RYR2: variants seen among roughly 807,000 people sequenced by gnomAD.
RYR2 encodes the protein ryanodine receptor 2.
In RYR2, 227 loss-of-function variants were observed where a neutral mutation model predicts 601.1. The observed-to-expected ratio is 0.38, with a 90% CI of 0.34 to 0.42. The LOEUF is 0.42. Among genes scored for constraint, RYR2 ranks in the 10% least tolerant of loss-of-function variants. The pLI, the probability that RYR2 is intolerant of heterozygous loss-of-function variation, is 1.00. For synonymous variants in RYR2, 2,223 were observed against 2,175.1 expected, an observed-to-expected ratio of 1.02 and a Z score of -0.61; for missense variants, 4,646 against 6,156.5, an observed-to-expected ratio of 0.75 and a Z score of 8.21.
chr1:237,611,012 A>C, intron 36 of RYR2, 24 bp downstream of exon 36: 1 of 1,594,264 alleles, frequency 6.3e-7, no homozygotes, highest in Non-Finnish European at 8.6e-7. Flanking sequence ...AATCCCTGAC[A>C]TTCTGATTGG....
At chr1:237,615,348 C>T (rs2148601964) in intron 37 of RYR2, among the ~76,000 whole-genome samples, 1 of 152,206 alleles carries the variant, frequency 6.6e-6, no homozygotes, top group Admixed American at 6.5e-5. Context: ...TGCCACCATG[C>T]CCAGTTAATT....
chr1:237,687,708 C>G (rs1686557064), intron 63 of RYR2, among the ~76,000 whole-genome samples: 1 of 152,070 alleles, frequency 6.6e-6, no homozygotes, highest in African/African-American at 2.4e-5. Flanking sequence ...CTTTTTTACA[C>G]TAGTCCAAAG....
chr1:237,454,154 A>G (rs1021318177), intron 14 of RYR2, among the ~76,000 whole-genome samples: 3 of 152,140 alleles, frequency 2.0e-5, no homozygotes, highest in African/African-American at 7.2e-5. Context: ...CCTGTAGCCT[A>G]TGAGGTTATT....
chr1:237,355,869 G>T, intron 3 of RYR2, 96 bp from the exon 4 acceptor site: 1 of 1,109,356 alleles, frequency 9.0e-7, no homozygotes, highest in South Asian at 1.4e-5. Flanking sequence ...TGTGGTGCAA[G>T]GACCAAATTG....
chr1:237,609,991 TCTACAG>T (rs1677654300), intron 35 of RYR2, among the ~76,000 whole-genome samples: 1 of 152,048 alleles, frequency 6.6e-6, no homozygotes. Flanking sequence ...GATGAAGTAG[TCTACAG>T]CATGCAGTTG....
At chr1:237,096,709 G>T (rs1052543819) in intron 1 of RYR2, among the ~76,000 whole-genome samples, 2 of 152,134 alleles carry the variant, frequency 1.3e-5, no homozygotes, top group African/African-American at 4.8e-5. Flanking sequence ...ATAAAATAAA[G>T]GCTGCTCAGA....
chr1:237,231,153 C>CTGTT (rs1684957438), intron 1 of RYR2, among the ~76,000 whole-genome samples: 2 of 152,056 alleles, frequency 1.3e-5, no homozygotes, highest in African/African-American at 4.8e-5. Context: ...TTTCGTGTGT[C>CTGTT]TGTTTTTCCC....
intron 1 of RYR2, among the ~76,000 whole-genome samples, chr1:237,190,410 A>T (rs374326888): frequency 1.9e-4 from 29 of 152,134 alleles, no homozygotes; most frequent in African/African-American, 6.7e-4. Context: ...TATTCTTTGG[A>T]GTATTGTCTA....
At chr1:237,127,803 C>T (rs1338029973) in intron 1 of RYR2, among the ~76,000 whole-genome samples, 26 of 149,164 alleles carry the variant, frequency 1.7e-4, no homozygotes, top group African/African-American at 5.2e-4. Context: ...CGGGCAGAGA[C>T]GCTCCTCACT....
intron 8 of RYR2, among the ~76,000 whole-genome samples, chr1:237,385,279 T>A (rs1312028146): frequency 6.6e-6 from 1 of 152,222 alleles, no homozygotes; most frequent in East Asian, 1.9e-4. Flanking sequence ...ATTTTACATA[T>A]GCATATACAT....
chr1:237,635,240 A>G (rs1342131561), intron 44 of RYR2, among the ~76,000 whole-genome samples: 1 of 152,180 alleles, frequency 6.6e-6, no homozygotes, highest in Admixed American at 6.5e-5. Flanking sequence ...TCTACTATAC[A>G]TTATATTGTA....
intron 29 of RYR2, among the ~76,000 whole-genome samples, chr1:237,577,551 T>TGTGTGAGAGAGA (rs1559055386): frequency 7.7e-6 from 1 of 129,528 alleles, no homozygotes; most frequent in East Asian, 2.2e-4. Context: ...TGTGTGTGTT[T>TGTGTGAGAGAGA]GAGAGAGAGA....
intron 1 of RYR2, among the ~76,000 whole-genome samples, chr1:237,210,067 T>C (rs1315338435): frequency 6.6e-6 from 1 of 152,214 alleles, no homozygotes; most frequent in African/African-American, 2.4e-5. Flanking sequence ...TTGCTGTTGA[T>C]ATTTCACATA....
At chr1:237,095,893 T>C (rs950726300) in intron 1 of RYR2, among the ~76,000 whole-genome samples, 1 of 152,332 alleles carries the variant, frequency 6.6e-6, no homozygotes, top group South Asian at 2.1e-4. Context: ...GTGGTTGACC[T>C]TGAAGTCTGG....
chr1:237,432,736 T>C (rs1706953954), intron 12 of RYR2, among the ~76,000 whole-genome samples: 1 of 152,164 alleles, frequency 6.6e-6, no homozygotes, highest in African/African-American at 2.4e-5. Context: ...ATTTCGTTGG[T>C]TAAAAGTAGA....
intron 80 of RYR2, among the ~76,000 whole-genome samples, chr1:237,751,162 A>T (rs913857164): frequency 2.0e-5 from 3 of 152,186 alleles, no homozygotes; most frequent in African/African-American, 7.2e-5. Context: ...AGTGGTCCCA[A>T]GTTTTCTTCT....
intron 73 of RYR2, among the ~76,000 whole-genome samples, chr1:237,722,497 G>A (rs970508086): frequency 1.2e-4 from 18 of 150,288 alleles, no homozygotes; most frequent in Non-Finnish European, 8.9e-5. Context: ...GCAGTGGCGC[G>A]ATCTCGGCTC....
chr1:237,352,288 T>A (rs1698920694), intron 3 of RYR2, among the ~76,000 whole-genome samples: 1 of 152,052 alleles, frequency 6.6e-6, no homozygotes, highest in African/African-American at 2.4e-5. Context: ...TTATATCAGT[T>A]ATATTTTTAT....
intron 10 of RYR2, among the ~76,000 whole-genome samples, chr1:237,405,574 C>T (rs534086488): frequency 3.3e-5 from 5 of 152,254 alleles, no homozygotes; most frequent in South Asian, 2.1e-4. Flanking sequence ...AATTTAATTC[C>T]ATCAGAGATG....
Sources: allele counts gnomAD v4.1 joint callset (sites outside exome capture counted in the v4.1 genomes callset), GRCh38; gene constraint gnomAD v4.1.1; transcripts MANE v1.5; gene names NCBI Gene and HGNC (gene_info 2026-07-23, HGNC 2026-07-21).